MALRD1: variants seen among roughly 807,000 people sequenced by gnomAD.
MALRD1 encodes the protein MAM and LDL-receptor class A domain-containing protein 1.
In MALRD1, 247 loss-of-function variants were observed where a neutral mutation model predicts 242.1. The observed-to-expected ratio is 1.02, with a 90% CI of 0.92 to 1.13. The LOEUF is 1.13. MALRD1 is among the 50% of genes most tolerant of loss of function. The pLI is 0.00. For missense variants in MALRD1, 2,989 were observed against 2,533.1 expected, an observed-to-expected ratio of 1.18 and a Z score of -3.86; for synonymous variants, 995 against 866.6, an observed-to-expected ratio of 1.15 and a Z score of -2.60.
At chr10:19,057,337 T>C (rs572224618) in intron 1 of MALRD1, among the ~76,000 whole-genome samples, 165 of 152,260 alleles carry the variant, frequency 1.1e-3, no homozygotes, top group African/African-American at 3.3e-3. Context: ...TGCCCTCTGC[T>C]TGGTCTGCAG....
chr10:19,660,679 G>C (rs1025969726), intron 36 of MALRD1, among the ~76,000 whole-genome samples: 1 of 152,140 alleles, frequency 6.6e-6, no homozygotes, highest in Non-Finnish European at 1.5e-5. Flanking sequence ...TCTCCCATAA[G>C]TATCCAATCT....
In MALRD1 at chr10:19,571,768, C is replaced by A. The variant is rs1836553501; in HGVS notation, c.5680+4065C>A. Among the ~76,000 whole-genome samples, 4 of 152,234 alleles carry A rather than the reference C, an allele frequency of 2.6e-5. No individual in the cohort carries two copies. In the South Asian group the frequency reaches 8.3e-4, roughly 32 times the overall value. On this transcript the variant is annotated intron_variant, in intron 33 of 39. Coordinates refer to ENST00000454679, the MANE Select transcript of MALRD1 (RefSeq NM_001142308.3). ...TGTGAAAAAGTCTATACCATTAAAA[C>A]TACTAGCTTTGTTTGTCTTTCCTTA... is the stretch of plus-strand genomic sequence containing the variant.
intron 18 of MALRD1, among the ~76,000 whole-genome samples, chr10:19,210,954 T>C (rs928151607): frequency 6.6e-5 from 10 of 152,216 alleles, no homozygotes; most frequent in Admixed American, 2.0e-4. Context: ...TGTGGCATCG[T>C]TCTGGTCTCC....
rs56041015 is a variant in MALRD1 at position 19,621,351 on chromosome 10, T to TAAAAAAA, written c.6137+5440_6137+5446dup. Among the ~76,000 whole-genome samples, 15 of 121,822 alleles carry TAAAAAAA rather than the reference T, an allele frequency of 1.2e-4. 1 individual carries two copies. The highest frequency in any genetic ancestry group is 2.0e-4 in the Non-Finnish European group (12 of 59,822). The allele number at this position is 121,822 out of a possible 152,430, so 79.9% of individuals were successfully genotyped here. ...TTTAAAGTCTAAGTGTAAAAATATG[T>TAAAAAAA]AAAAAAAAAAAAAAAAAAGTAAGAA... is the stretch of plus-strand genomic sequence containing the variant. On this transcript the variant is annotated intron_variant, in intron 36 of 39. Transcript: ENST00000454679.
chr10:19,428,776 A>C (rs1834003024), intron 28 of MALRD1, among the ~76,000 whole-genome samples: 1 of 152,188 alleles, frequency 6.6e-6, no homozygotes, highest in Admixed American at 6.5e-5. Context: ...AGTTAATCCC[A>C]TTTTGTATTT....
chr10:19,182,323 C>CCT (rs1835541746), intron 14 of MALRD1, among the ~76,000 whole-genome samples: 1 of 108,040 alleles, frequency 9.3e-6, no homozygotes, highest in Admixed American at 1.0e-4. Context: ...CCAAAACCTA[C>CCT]ATTTTTTTTT....
chr10:19,704,832 T>C (rs1469975598), intron 38 of MALRD1, among the ~76,000 whole-genome samples: 2 of 152,170 alleles, frequency 1.3e-5, no homozygotes, highest in Admixed American at 6.5e-5. Context: ...AAGAGAATGA[T>C]GCTTGTTTAT....
chr10:19,688,477 T>C (rs1842692489), intron 36 of MALRD1, among the ~76,000 whole-genome samples: 1 of 151,356 alleles, frequency 6.6e-6, no homozygotes, highest in Non-Finnish European at 1.5e-5. Context: ...CCCAGACTGA[T>C]CTCAAACTCC....
rs534475802 is a variant in MALRD1, at chr10:19,623,468, A to G, written c.6137+7545A>G. 3.3e-5 allele frequency among the ~76,000 whole-genome samples: 5 copies of G among 152,276 alleles called. No homozygotes were observed. The South Asian group carries it at 8.3e-4, about 25-fold the overall frequency. ...ATGATGAGAATTGGTTCCTGTAGTT[A>G]TGGAGGCTGGGAAATCCCACAACAT... On this transcript the variant is annotated intron_variant, in intron 36 of 39. Coordinates refer to ENST00000454679, the MANE Select transcript of MALRD1 (RefSeq NM_001142308.3).
chr10:19,102,071 CATATATATGGT>C (rs1836284369), intron 4 of MALRD1, among the ~76,000 whole-genome samples: 1 of 88,220 alleles, frequency 1.1e-5, no homozygotes. Flanking sequence ...ATAATTATAA[CATATATATGGT>C]ATAACATATT....
intron 2 of MALRD1, among the ~76,000 whole-genome samples, chr10:19,073,088 T>C (rs1403318183): frequency 6.6e-6 from 1 of 152,032 alleles, no homozygotes; most frequent in Non-Finnish European, 1.5e-5. Context: ...CTAATCCTTA[T>C]ATTTTTATTA....
chr10:19,268,218 C>T (rs1840048142), intron 19 of MALRD1, among the ~76,000 whole-genome samples: 1 of 151,226 alleles, frequency 6.6e-6, no homozygotes. Context: ...AAAAGTATTT[C>T]AAAAATTGCT....
At chr10:19,660,731 A>G (rs946859244) in intron 36 of MALRD1, among the ~76,000 whole-genome samples, 7 of 152,214 alleles carry the variant, frequency 4.6e-5, no homozygotes, top group Admixed American at 4.6e-4. Flanking sequence ...CGTTAATTCT[A>G]GCAGGCTTTT....
rs1554801514 is a variant in MALRD1 at position 19,165,244 on chromosome 10, T to TATATATATATATATATATATATAA, written c.1657-371_1657-370insAAATATATATATATATATATATAT. On this transcript the variant is annotated intron_variant, in intron 12 of 39. Transcript: ENST00000454679. ...TATTTAACACAGAAGTTGTTTGGAA[T>TATATATATATATATATATATATAA]ATATATATATATATATATATATTTT... Among the ~76,000 whole-genome samples the TATATATATATATATATATATATAA allele has an allele frequency of 5.4e-5, 5 of 93,370 alleles. No homozygotes were observed. The East Asian group carries it at 1.5e-3, about 28-fold the overall frequency. 61.3% of individuals were successfully genotyped at this position (93,370 alleles called of 152,430 possible).
chr10:19,432,162 A>C (rs1453013092), intron 28 of MALRD1, among the ~76,000 whole-genome samples: 2 of 152,140 alleles, frequency 1.3e-5, no homozygotes, highest in East Asian at 3.9e-4. Context: ...AGTCATTCTG[A>C]ATATAACTTT....
intron 12 of MALRD1, among the ~76,000 whole-genome samples, chr10:19,158,748 A>G (rs1056484956): frequency 3.3e-5 from 5 of 152,220 alleles, no homozygotes; most frequent in African/African-American, 1.2e-4. Flanking sequence ...AGTGGGGGAT[A>G]CTGACAGCAA....
chr10:19,494,230 C>A (rs530053019), intron 30 of MALRD1, among the ~76,000 whole-genome samples: 1 of 152,276 alleles, frequency 6.6e-6, no homozygotes, highest in South Asian at 2.1e-4. Flanking sequence ...AAATGAAGAC[C>A]CTGAGCAAAG....
At chr10:19,078,501 T>C (rs925344828) in intron 2 of MALRD1, among the ~76,000 whole-genome samples, 1 of 151,914 alleles carries the variant, frequency 6.6e-6, no homozygotes, top group African/African-American at 2.4e-5. Context: ...GTGATGTCTT[T>C]GTCTGGTTTT....
intron 35 of MALRD1, among the ~76,000 whole-genome samples, chr10:19,612,243 A>G (rs536977332): frequency 6.6e-6 from 1 of 151,896 alleles, no homozygotes; most frequent in Non-Finnish European, 1.5e-5. Context: ...AAACCAGCAA[A>G]TTCCTTATTT....
Sources: allele counts gnomAD v4.1 joint callset (sites outside exome capture counted in the v4.1 genomes callset), GRCh38; gene constraint gnomAD v4.1.1; transcripts MANE v1.5; gene names NCBI Gene and HGNC (gene_info 2026-07-23, HGNC 2026-07-21).